The following PDE1C variants were observed in gnomAD, a reference collection of about 807,000 sequenced individuals.
The protein encoded by PDE1C is dual specificity calcium/calmodulin-dependent 3',5'-cyclic nucleotide phosphodiesterase 1C.
A neutral mutation model predicts 93.1 loss-of-function variants in PDE1C; 62 were observed. The observed-to-expected ratio is 0.67, with a 90% CI of 0.54 to 0.82. PDE1C has a LOEUF of 0.82. PDE1C is among the 40% of genes least tolerant of loss of function. The probability of loss-of-function intolerance (pLI) is 0.00; values close to 1 mark genes in which losing one functional copy is unlikely to be tolerated. For synonymous variants in PDE1C, 325 were observed against 310.1 expected, an observed-to-expected ratio of 1.05 and a Z score of -0.50; for missense variants, 742 against 884.6, an observed-to-expected ratio of 0.84 and a Z score of 2.04.
At chr7:32,120,205 C>T (rs1299482715) in intron 3 of PDE1C, among the ~76,000 whole-genome samples, 1 of 152,198 alleles carries the variant, frequency 6.6e-6, no homozygotes, top group Non-Finnish European at 1.5e-5. Context: ...ACTCCAGCAA[C>T]TCCAGCCAGA....
intron 2 of PDE1C, among the ~76,000 whole-genome samples, chr7:31,923,000 T>C (rs182400617): frequency 1.1e-3 from 165 of 152,258 alleles, no homozygotes; most frequent in African/African-American, 3.8e-3. Flanking sequence ...TGCATTTTCA[T>C]CAAATTTGGA....
At chr7:32,259,672 G>T (rs1421057882) in intron 1 of PDE1C, among the ~76,000 whole-genome samples, 1 of 152,100 alleles carries the variant, frequency 6.6e-6, no homozygotes, top group Non-Finnish European at 1.5e-5. Flanking sequence ...GATTGTATTT[G>T]TTCTCCTCAT....
In PDE1C at chr7:31,982,304, T is replaced by G. The variant is rs116208302; in HGVS notation, c.128+69250A>C. On this transcript the variant is annotated intron_variant, in intron 2 of 17. Coordinates refer to ENST00000396191, the MANE Select transcript of PDE1C (RefSeq NM_001191057.4). ...TCTCAACAAGCACATCGGTGTGAAC[T>G]CGAAAGAATGAAAAATAGTTCCATG... is the stretch of plus-strand genomic sequence containing the variant. 4.6e-3 allele frequency among the ~76,000 whole-genome samples: 703 copies of G among 152,276 alleles called. 8 individuals are homozygous for G. The highest frequency in any genetic ancestry group is 0.016 in the African/African-American group (653 of 41,554).
the PDE1C span, among the ~76,000 whole-genome samples, chr7:31,654,887 C>T: frequency 6.6e-5 from 10 of 152,136 alleles, no homozygotes; most frequent in Admixed American, 3.3e-4. Context: ...GCACTCTTCC[C>T]CTTCCTTGCT....
intron 3 of PDE1C, among the ~76,000 whole-genome samples, chr7:32,101,212 C>CG (rs2128750254): frequency 1.3e-5 from 2 of 152,296 alleles, no homozygotes; most frequent in East Asian, 3.9e-4. Flanking sequence ...GTTCTTCTCA[C>CG]AGGGATTCCC....
At chr7:32,293,324 C>T (rs1205890181) in intron 1 of PDE1C, among the ~76,000 whole-genome samples, 1 of 152,178 alleles carries the variant, frequency 6.6e-6, no homozygotes, top group Non-Finnish European at 1.5e-5. Context: ...AATACAACCT[C>T]TCAGCTGGCC....
intron 2 of PDE1C, among the ~76,000 whole-genome samples, chr7:31,942,058 A>G (rs1369099020): frequency 1.3e-5 from 2 of 152,192 alleles, no homozygotes; most frequent in African/African-American, 2.4e-5. Context: ...ACATGAATAT[A>G]TGGAGGAAGG....
chr7:32,147,270 AAAAAAGAAAGAAAGAAAGAAAG>A lies in PDE1C; in HGVS notation c.308+22493_308+22514del, dbSNP rs1416148218. On this transcript the variant is annotated intron_variant, in intron 3 of 18. Transcript: ENST00000396193. ...AAGAAAGAAAAGAAAGAAAGAAAGAAAAAAAGAAAGAAAGAAAGAAAGAAAGAAAGAAAGAAAGAAAGAAAGA... is the reference window on the plus strand; with the variant it reads ...AAGAAAGAAAAGAAAGAAAGAAAGAAAAAGAAAGAAAGAAAGAAAGAAAGA... 6.4e-3 allele frequency among the ~76,000 whole-genome samples: 370 copies of A among 57,888 alleles called. 10 individuals carry two copies. Among genetic ancestry groups the A allele is most frequent in the Admixed American group, 0.028 (169 of 6,080 alleles). The allele number at this position is 57,888 out of a possible 152,430, so 38.0% of individuals were successfully genotyped here. A position where few individuals can be genotyped will look rare whatever the true frequency, so the allele number is the denominator to read the frequency against.
the PDE1C span, among the ~76,000 whole-genome samples, chr7:31,745,851 G>A: frequency 1.3e-5 from 2 of 152,170 alleles, no homozygotes; most frequent in African/African-American, 4.8e-5. Flanking sequence ...TGATATTTAT[G>A]TCTTTTTGGC....
At chr7:32,303,135 C>T (rs1458885699), upstream of PDE1C, among the ~76,000 whole-genome samples, 1 of 152,160 alleles carries the variant, frequency 6.6e-6, no homozygotes, top group Non-Finnish European at 1.5e-5. Flanking sequence ...ATTCCAGGTC[C>T]AGTTCCAGCT....
chr7:31,907,902 C>A (rs1011320910), intron 2 of PDE1C, among the ~76,000 whole-genome samples: 1 of 150,670 alleles, frequency 6.6e-6, no homozygotes, highest in East Asian at 1.9e-4. Context: ...TATTTACATG[C>A]CACCAAATAA....
At chr7:31,934,010 G>T (rs1384701802) in intron 2 of PDE1C, among the ~76,000 whole-genome samples, 1 of 152,006 alleles carries the variant, frequency 6.6e-6, no homozygotes, top group African/African-American at 2.4e-5. Context: ...CTTTTTCAAG[G>T]CATTTGAACA....
chr7:31,830,184 G>C (rs753818054), intron 11 of PDE1C, among the ~76,000 whole-genome samples: 8 of 150,900 alleles, frequency 5.3e-5, no homozygotes, highest in Non-Finnish European at 1.0e-4. Flanking sequence ...TTGGAAAGCA[G>C]ATATACTTAC....
intron 2 of PDE1C, among the ~76,000 whole-genome samples, chr7:32,008,504 C>T (rs17336340): frequency 0.34 from 51,856 of 152,028 alleles, 9,117 homozygotes; most frequent in African/African-American, 0.38. Context: ...GTCCCTACTA[C>T]TGGGTTCAGG....
the PDE1C span, among the ~76,000 whole-genome samples, chr7:31,664,282 T>C: frequency 6.6e-6 from 1 of 151,656 alleles, no homozygotes; most frequent in Admixed American, 6.6e-5. Context: ...AGTTGAAAGA[T>C]GTACTTACGC....
At chr7:32,109,175 C>T (rs1179913536) in intron 3 of PDE1C, among the ~76,000 whole-genome samples, 1 of 152,036 alleles carries the variant, frequency 6.6e-6, no homozygotes, top group South Asian at 2.1e-4. Flanking sequence ...TGACAAGGGA[C>T]CCCCTCATAG....
intron 9 of PDE1C, among the ~76,000 whole-genome samples, chr7:31,841,363 T>C (rs748666419): frequency 1.3e-5 from 2 of 152,038 alleles, no homozygotes; most frequent in Non-Finnish European, 2.9e-5. Context: ...CTTAGGATTT[T>C]CTACTTAGGC....
intron 1 of PDE1C, among the ~76,000 whole-genome samples, chr7:32,317,128 A>C (rs572730419): frequency 6.6e-6 from 1 of 152,346 alleles, no homozygotes; most frequent in African/African-American, 2.4e-5. Flanking sequence ...GGAATGCAAG[A>C]CCACATGTTG....
At chr7:31,886,194 T>C (rs1175746349) in intron 2 of PDE1C, among the ~76,000 whole-genome samples, 1 of 152,244 alleles carries the variant, frequency 6.6e-6, no homozygotes, top group Admixed American at 6.5e-5. Flanking sequence ...CACACCCATG[T>C]ATTCGAACAG....
Sources: allele counts gnomAD v4.1 joint callset (sites outside exome capture counted in the v4.1 genomes callset), GRCh38; gene constraint gnomAD v4.1.1; transcripts MANE v1.5; gene names NCBI Gene and HGNC (gene_info 2026-07-23, HGNC 2026-07-21).